The following DNAH9 variants were observed in gnomAD, a reference collection of about 807,000 sequenced individuals.
The protein encoded by DNAH9 is dynein axonemal heavy chain 9.
Under a neutral mutation model 471.6 loss-of-function variants are expected in DNAH9, and 345 were observed. That is an observed-to-expected ratio of 0.73 (90% confidence interval 0.67 to 0.80). The LOEUF (loss-of-function observed/expected upper bound fraction) is 0.80. Among genes scored for constraint, DNAH9 ranks in the 30% least tolerant of loss-of-function variants. The pLI is 0.00. For missense variants in DNAH9, 5,407 were observed against 5,609.2 expected (o/e 0.96, Z 1.15); for synonymous variants, 2,093 against 2,123.6 (o/e 0.99, Z 0.40).
At chr17:11,913,739 A>G (rs8068973) in intron 61 of DNAH9, among the ~76,000 whole-genome samples, 62,208 of 150,712 alleles carry the variant, frequency 0.41, 13,321 homozygotes, top group East Asian at 0.7. Flanking sequence ...ACGAGATTGC[A>G]CCACTGCACT....
At chr17:11,726,582 C>T (rs2075156476) in intron 27 of DNAH9, among the ~76,000 whole-genome samples, 1 of 152,192 alleles carries the variant, frequency 6.6e-6, no homozygotes, top group East Asian at 1.9e-4. Context: ...CTCTGACCCT[C>T]TCTTCTGTGA....
intron 43 of DNAH9, among the ~76,000 whole-genome samples, 179 bp downstream of exon 43, chr17:11,797,972 C>A (rs1969308396): frequency 6.6e-6 from 1 of 152,126 alleles, no homozygotes; most frequent in South Asian, 2.1e-4. Context: ...CCCTAGGGGG[C>A]AGCACAGTGC....
chr17:11,704,518 GGGGCCCCA>G, intron 25 of DNAH9, 76 bp downstream of exon 25: 3 of 1,524,374 alleles, frequency 2.0e-6, no homozygotes, highest in Non-Finnish European at 2.7e-6. Flanking sequence ...CCAAAATATG[GGGGCCCCA>G]GGGTCTGTAC....
rs1434329205 is a variant in DNAH9 at position 11,881,269 on chromosome 17, C to T, written c.10662C>T (p.His3554=). 13 of 1,614,216 alleles carry T rather than the reference C, an allele frequency of 8.1e-6. No homozygotes were observed. The highest frequency in any genetic ancestry group is 2.2e-5 in the East Asian group (1 of 44,870). The part of the protein sequence containing the change: ...EYNPKFRLIL[H]TKLANPHYQP... The stretch of plus-strand genomic sequence containing the variant: ...ATCCCAAGTTCCGGCTCATCCTCCA[C>T]ACCAAGCTGGCTAATCCTCACTACC... The change falls in exon 55 of 69, where the codon CAC becomes CAT. Residue 3554 remains histidine, a synonymous_variant. Transcript: ENST00000262442.
At chr17:11,764,015 CT>C (rs1342986425) in intron 36 of DNAH9, among the ~76,000 whole-genome samples, 2 of 152,114 alleles carry the variant, frequency 1.3e-5, no homozygotes, top group Non-Finnish European at 2.9e-5. Context: ...TCTTAAAAAC[CT>C]CTAGAACAAG....
intron 30 of DNAH9, among the ~76,000 whole-genome samples, chr17:11,744,173 A>G (rs1382406315): frequency 6.6e-6 from 1 of 152,128 alleles, no homozygotes; most frequent in Non-Finnish European, 1.5e-5. Flanking sequence ...GCAATCTGCT[A>G]CAAATCAAGT....
chr17:11,670,771 T>G (rs187525735), intron 17 of DNAH9, among the ~76,000 whole-genome samples: 78 of 151,962 alleles, frequency 5.1e-4, no homozygotes, highest in African/African-American at 1.8e-3. Flanking sequence ...TGGCACGATC[T>G]CTGCTCACCA....
In DNAH9 at chr17:11,617,601, T is replaced by G; in HGVS notation, c.1095T>G (p.Ile365Met). ...GGCTGACTGTGCTGCTCCAGGAGAT[T>G]TGCAACCTTCTCATCCAGCAGGTGG... is the stretch of plus-strand genomic sequence containing the variant. ...PGRLTVLLQE[I>M]CNLLIQQASN... Residue 365 changes from isoleucine to methionine, a missense_variant, in exon 5 of 69, where the codon ATT becomes ATG. Transcript: ENST00000262442. 5.0e-6 allele frequency: 8 copies of G among 1,614,026 alleles called. No individual in the cohort carries two copies. Among genetic ancestry groups the G allele is most frequent in the Non-Finnish European group, 6.8e-6 (8 of 1,180,008 alleles).
chr17:11,951,778 C>T (rs1276595949), intron 67 of DNAH9, among the ~76,000 whole-genome samples: 2 of 151,928 alleles, frequency 1.3e-5, no homozygotes, highest in African/African-American at 4.8e-5. Flanking sequence ...CAAAACTCAG[C>T]CGGGCTTGGT....
intron 61 of DNAH9, among the ~76,000 whole-genome samples, chr17:11,919,122 G>C (rs2151025098): frequency 6.6e-6 from 1 of 152,282 alleles, no homozygotes; most frequent in East Asian, 1.9e-4. Context: ...CAGACAAAAT[G>C]GCAGTAATGG....
At chr17:11,845,463 C>T (rs1971188357) in intron 49 of DNAH9, among the ~76,000 whole-genome samples, 3 of 150,992 alleles carry the variant, frequency 2.0e-5, no homozygotes, top group Non-Finnish European at 4.4e-5. Flanking sequence ...CCGCAATAAA[C>T]ATACGTGTGC....
rs779628336 is a variant in DNAH9, at chr17:11,705,205, A to G, written c.5552+20A>G. The G allele has an allele frequency of 1.4e-4, 222 of 1,611,870 alleles. No individual in the cohort carries two copies. The highest frequency in any genetic ancestry group is 1.8e-4 in the Non-Finnish European group (216 of 1,178,392). On this transcript the variant is annotated intron_variant, in intron 26 of 68. Transcript: ENST00000262442. The stretch of plus-strand genomic sequence containing the variant: ...TGACAGGTGAGCACTGGTGTCAACC[A>G]CTGACAGCCTTACTGCTGTCTGGTT...
Position 11,719,383 on chromosome 17 carries a change from C to A in DNAH9, c.5602C>A (p.Pro1868Thr). ...CCTGCACCTGACCATGAGTGGGGCT[C>A]CCGCAGGACCTGCAGGCACAGGCAA... is the stretch of plus-strand genomic sequence containing the variant. The part of the protein sequence containing the change: ...QSLHLTMSGA[P>T]AGPAGTGKTE... Residue 1868 changes from proline to threonine, a missense_variant, in exon 27 of 69, where the codon CCC becomes ACC. This residue lies in a region of DNAH9 where 4,636 missense variants were observed against 4,900.3 expected (regional missense o/e 0.95). Coordinates refer to ENST00000262442, the MANE Select transcript of DNAH9 (RefSeq NM_001372.4). 1 of 1,614,104 alleles carries A rather than the reference C, an allele frequency of 6.2e-7. No individual in the cohort carries two copies. The highest frequency in any genetic ancestry group is 8.5e-7 in the Non-Finnish European group (1 of 1,180,000).
chr17:11,602,969 C>T (rs181227696), intron 1 of DNAH9, among the ~76,000 whole-genome samples: 18 of 152,300 alleles, frequency 1.2e-4, no homozygotes, highest in African/African-American at 3.6e-4. Flanking sequence ...ACCATGCACA[C>T]GGTCTCTTCT....
At chr17:11,715,306 C>T (rs781697977) in intron 26 of DNAH9, among the ~76,000 whole-genome samples, 1 of 152,194 alleles carries the variant, frequency 6.6e-6, no homozygotes, top group Non-Finnish European at 1.5e-5. Flanking sequence ...ATAGTATCCT[C>T]ATAAGACCCT....
chr17:11,700,385 G>A (rs575100800), intron 23 of DNAH9, among the ~76,000 whole-genome samples: 6 of 152,152 alleles, frequency 3.9e-5, no homozygotes, highest in South Asian at 2.1e-4. Context: ...AACTACCACC[G>A]TGCTCCAGGA....
In DNAH9 at chr17:11,705,019, C is replaced by G. The variant is rs542645458; in HGVS notation, c.5392-6C>G. 1 of 1,613,398 alleles carries G rather than the reference C, an allele frequency of 6.2e-7. No homozygotes were observed. Among genetic ancestry groups the G allele is most frequent in the African/African-American group, 1.3e-5 (1 of 74,930 alleles). On this transcript the variant is annotated splice_region_variant and splice_polypyrimidine_tract_variant and intron_variant, in intron 25 of 68. Transcript: ENST00000262442. ...TCACCCACCTACTCTACCACTCTCT[C>G]TTTAGGTAGACAATGCCCAGGCTTT...
intron 45 of DNAH9, among the ~76,000 whole-genome samples, chr17:11,814,350 A>G (rs766241906): frequency 6.6e-5 from 10 of 152,228 alleles, no homozygotes; most frequent in Non-Finnish European, 1.5e-4. Context: ...TAACCAGCTA[A>G]GAAAACCTAG....
intron 67 of DNAH9, among the ~76,000 whole-genome samples, chr17:11,953,683 G>A (rs1295213131): frequency 6.6e-6 from 1 of 150,412 alleles, no homozygotes; most frequent in Non-Finnish European, 1.5e-5. Context: ...GTGGTGGCAG[G>A]CGCCTGTAGA....
Sources: gnomAD v4.1 joint callset for allele counts (sites outside exome capture counted in the v4.1 genomes callset) on GRCh38, gnomAD v4.1.1 for gene constraint, gnomAD v4.1.1 regional missense constraint, MANE v1.5 for transcripts, NCBI Gene and HGNC (gene_info 2026-07-23, HGNC 2026-07-21) for gene names.